EBF4: variants seen among roughly 807,000 people sequenced by gnomAD.
EBF4 encodes the protein transcription factor COE4.
Under a neutral mutation model 67.1 loss-of-function variants are expected in EBF4, and 34 were observed. The observed-to-expected ratio is 0.51, with a 90% confidence interval of 0.39 to 0.67. EBF4 has a LOEUF of 0.67. Among genes scored for constraint, EBF4 ranks in the 30% least tolerant of loss-of-function variants. EBF4 has a pLI of 0.00. For missense variants in EBF4, 837 were observed against 873.3 expected (o/e 0.96, Z 0.52); for synonymous variants, 387 against 377.7 (o/e 1.02, Z -0.29).
rs1443276128 is a variant in EBF4, at chr20:2,747,387, G to A, written c.558-1162G>A. On this transcript the variant is annotated intron_variant, in intron 6 of 16. Coordinates refer to ENST00000609451, the Ensembl canonical transcript of EBF4. This position sits in a 1 kb window ranked among gnomAD's most constrained non-coding sequence, Gnocchi z 4.6. ...TTGTCCATGGCTACCTTACTGGTAG[G>A]TGACAGGACCAAGGACCCACCCTCC... Among the ~76,000 whole-genome samples the A allele has an allele frequency of 6.6e-6, 1 of 151,948 alleles. No individual in the cohort carries two copies. Among genetic ancestry groups the A allele is most frequent in the African/African-American group, 2.4e-5 (1 of 41,352 alleles).
chr20:2,706,255 G>T, exon 4 of EBF4: 1 of 1,552,150 alleles, frequency 6.4e-7, no homozygotes, highest in South Asian at 1.2e-5. Context: ...TCGACTCCAT[G>T]TCCAAACAGG....
At chr20:2,750,123 T>C (rs1386962434) in intron 10 of EBF4, 150 bp downstream of exon 10, 3 of 1,185,142 alleles carry the variant, frequency 2.5e-6, no homozygotes, top group Non-Finnish European at 3.4e-6. Flanking sequence ...TAACCACCTA[T>C]GCCTGTGATC....
At chr20:2,706,639 C>A (rs2087463234) in intron 4 of EBF4, among the ~76,000 whole-genome samples, 1 of 152,046 alleles carries the variant, frequency 6.6e-6, no homozygotes, top group African/African-American at 2.4e-5. Flanking sequence ...CCAGAAGTGT[C>A]CCCCCTCGAA....
intron 6 of EBF4, among the ~76,000 whole-genome samples, chr20:2,729,493 C>A (rs577702293): frequency 6.6e-6 from 1 of 152,326 alleles, no homozygotes; most frequent in South Asian, 2.1e-4. Context: ...TTGTCAACTT[C>A]TGCAAGCAGT....
chr20:2,704,821 C>T (rs60946884), intron 1 of EBF4, among the ~76,000 whole-genome samples: 39,598 of 152,142 alleles, frequency 0.26, 5,254 homozygotes, highest in East Asian at 0.36. Flanking sequence ...TGGTGTATCA[C>T]TGGGATGCAG....
At chr20:2,732,785 C>A (rs2146449878) in intron 6 of EBF4, among the ~76,000 whole-genome samples, 1 of 151,784 alleles carries the variant, frequency 6.6e-6, no homozygotes, top group South Asian at 2.1e-4. Flanking sequence ...TGCCATTGTG[C>A]TTTGTGTTTT....
Position 2,755,940 on chromosome 20 carries a change from T to G in EBF4, c.1738+116T>G. 1 of 1,080,402 alleles carries G rather than the reference T, an allele frequency of 9.3e-7. No homozygotes were observed. 66.9% of individuals were successfully genotyped at this position (1,080,402 alleles called of 1,614,324 possible). On this transcript the variant is annotated intron_variant, in intron 15 of 16. Coordinates refer to ENST00000609451, the Ensembl canonical transcript of EBF4. The surrounding 1 kb of genome is among the most constrained non-coding windows in gnomAD (Gnocchi z 4.7). ...CAGTGCCTCATGCTGGCTAACCTGC[T>G]CTTCTTGGAGGACGGAGAGCAGGGA...
chr20:2,750,998 A>G (rs1259846877), intron 10 of EBF4, among the ~76,000 whole-genome samples: 1 of 152,160 alleles, frequency 6.6e-6, no homozygotes, highest in Non-Finnish European at 1.5e-5. Flanking sequence ...GGGCCAGGCT[A>G]TCTGAAAAGG....
At chr20:2,721,246 C>CTTTTTTTTTTTTTTTTTT (rs146844927) in intron 6 of EBF4, among the ~76,000 whole-genome samples, 1 of 108,122 alleles carries the variant, frequency 9.2e-6, no homozygotes, top group Non-Finnish European at 1.9e-5. Context: ...TGATTCTCTT[C>CTTTTTTTTTTTTTTTTTT]TTTTTTTTTT....
At chr20:2,729,221 C>T (rs955253119) in intron 6 of EBF4, among the ~76,000 whole-genome samples, 5 of 152,088 alleles carry the variant, frequency 3.3e-5, no homozygotes, top group Non-Finnish European at 5.9e-5. Context: ...TGAAAGCCTT[C>T]GCCGACTCCT....
At chr20:2,752,634 G>A in intron 14 of EBF4, 89 bp downstream of exon 14, 2 of 1,111,426 alleles carry the variant, frequency 1.8e-6, no homozygotes, top group Non-Finnish European at 1.1e-6. Context: ...GAGAGGTTGG[G>A]GCGCCGGCGC....
intron 6 of EBF4, among the ~76,000 whole-genome samples, chr20:2,742,013 G>C (rs184546808): frequency 6.6e-6 from 1 of 152,226 alleles, no homozygotes; most frequent in African/African-American, 2.4e-5. Context: ...TTGTAACCTC[G>C]AGGAAATCCC....
intron 1 of EBF4, among the ~76,000 whole-genome samples, chr20:2,700,914 C>T (rs1008082662): frequency 6.6e-6 from 1 of 152,202 alleles, no homozygotes; most frequent in Non-Finnish European, 1.5e-5. Flanking sequence ...TGTCCTTCTC[C>T]GTCTCTTGTT....
At chr20:2,742,628 C>T (rs2087984862) in intron 6 of EBF4, among the ~76,000 whole-genome samples, 1 of 152,130 alleles carries the variant, frequency 6.6e-6, no homozygotes, top group South Asian at 2.1e-4. Flanking sequence ...CTGCAGTGGT[C>T]ACCCTCCATG....
intron 16 of EBF4, 48 bp downstream of exon 16, chr20:2,759,032 G>A: frequency 6.6e-7 from 1 of 1,513,638 alleles, no homozygotes; most frequent in South Asian, 1.2e-5. Context: ...CTGGCCCTGA[G>A]ATGTGCTTGC....
intron 6 of EBF4, among the ~76,000 whole-genome samples, chr20:2,744,250 T>C (rs1455628877): frequency 6.6e-6 from 1 of 151,586 alleles, no homozygotes; most frequent in African/African-American, 2.4e-5. Flanking sequence ...CCGGCTAATT[T>C]TTATATCAGG....
rs559677860 is a variant in EBF4, at chr20:2,741,785, T to C, written c.558-6764T>C. 3.3e-5 allele frequency among the ~76,000 whole-genome samples: 5 copies of C among 152,336 alleles called. No homozygotes were observed. The East Asian group carries it at 9.6e-4, about 29-fold the overall frequency. The stretch of plus-strand genomic sequence containing the variant: ...TGACCACTGTTCACAGCTCTTCTTC[T>C]GGTCTTTCATTAAAGTTTTTATTGA... On this transcript the variant is annotated intron_variant, in intron 6 of 16. Transcript: ENST00000609451.
At chr20:2,727,972 G>A (rs2087767063) in intron 6 of EBF4, among the ~76,000 whole-genome samples, 2 of 152,126 alleles carry the variant, frequency 1.3e-5, no homozygotes, top group Non-Finnish European at 2.9e-5. Context: ...CCCCTCCTCA[G>A]ATATATGACT....
At chr20:2,752,225 C>T in exon 13 of EBF4, 6 of 1,353,744 alleles carry the variant, frequency 4.4e-6, no homozygotes, top group Non-Finnish European at 4.8e-6. Context: ...AGCCCGCTGG[C>T]CATCGCCGTC....
Sources: allele counts gnomAD v4.1 joint callset (sites outside exome capture counted in the v4.1 genomes callset), GRCh38; gene constraint gnomAD v4.1.1; non-coding constraint Gnocchi (gnomAD v3.1); transcripts MANE v1.5; gene names NCBI Gene and HGNC (gene_info 2026-07-23, HGNC 2026-07-21).